Variants in LIX1 observed in about 807,000 individuals in gnomAD.
LIX1 encodes limb and CNS expressed 1.
In LIX1, 24 loss-of-function variants were observed where a neutral mutation model predicts 33.4. That is an observed-to-expected ratio of 0.72 (90% CI 0.52 to 1.01). The LOEUF (loss-of-function observed/expected upper bound fraction) is 1.01, where lower values mean the gene tolerates loss of function less well. Among genes scored for constraint, LIX1 ranks in the 50% least tolerant of loss-of-function variants. The pLI is 0.00. For synonymous variants in LIX1, 124 were observed against 124.0 expected, an observed-to-expected ratio of 1.00 and a Z score of 0.00; for missense variants, 311 against 339.2, an observed-to-expected ratio of 0.92 and a Z score of 0.65.
intron 2 of LIX1, among the ~76,000 whole-genome samples, chr5:97,122,427 C>G (rs1319007577): frequency 2.0e-5 from 3 of 152,220 alleles, no homozygotes; most frequent in African/African-American, 7.2e-5. Flanking sequence ...GGCACCCTTT[C>G]TTCTTGCCTA....
Position 97,141,252 on chromosome 5 carries a change from T to C in LIX1, c.82+1243A>G, listed in dbSNP as rs143025613. On this transcript the variant is annotated intron_variant, in intron 1 of 5. Transcript: ENST00000274382. ...CCTCACTAGTGAATCAGTTCTATTG[T>C]AGGAGAGAGACATTCTTTCCTCCCC... Among the ~76,000 whole-genome samples the C allele has an allele frequency of 1.4e-4, 22 of 152,288 alleles. No homozygotes were observed. In the East Asian group the frequency reaches 3.9e-3, roughly 27 times the overall value.
At chr5:97,123,541 A>G (rs1028753826) in intron 2 of LIX1, among the ~76,000 whole-genome samples, 1 of 152,202 alleles carries the variant, frequency 6.6e-6, no homozygotes, top group Non-Finnish European at 1.5e-5. Flanking sequence ...ATGGGCACTC[A>G]TCACTTTCAG....
chr5:97,092,461 T>A lies in LIX1; in HGVS notation c.*2287A>T, dbSNP rs192132285. On this transcript the variant is annotated 3_prime_UTR_variant, in exon 6 of 6. Transcript: ENST00000274382. ...TAGGCTATAGTTAAAGATGTTTATA[T>A]GATAGACTGACAGCCCTTATGTCTC... is the stretch of plus-strand genomic sequence containing the variant. 1.4e-3 allele frequency: 210 copies of A among 152,486 alleles called. 1 individual carries two copies. The highest frequency in any genetic ancestry group is 6.8e-3 in the Middle Eastern group (2 of 294). The allele number at this position is 152,486 out of a possible 1,614,324, so 9.4% of individuals were successfully genotyped here. A position where few individuals can be genotyped will look rare whatever the true frequency, so the allele number is the denominator to read the frequency against.
At chr5:97,111,024 G>A (rs1341873986) in intron 2 of LIX1, among the ~76,000 whole-genome samples, 1 of 152,150 alleles carries the variant, frequency 6.6e-6, no homozygotes, top group Non-Finnish European at 1.5e-5. Context: ...ACTGAAGCTT[G>A]AGTGCCATCT....
chr5:97,114,472 C>T (rs1247141162), intron 2 of LIX1, among the ~76,000 whole-genome samples: 1 of 152,148 alleles, frequency 6.6e-6, no homozygotes, highest in Non-Finnish European at 1.5e-5. Context: ...TCACCAGGAC[C>T]CTATAGGGTA....
intron 5 of LIX1, 100 bp downstream of exon 5, chr5:97,096,710 A>C (rs1746393737): frequency 1.2e-6 from 1 of 849,642 alleles, no homozygotes; most frequent in East Asian, 2.5e-5. Context: ...TACCAAATTT[A>C]TATTTGGAAA....
At chr5:97,137,079 A>C (rs1334282185) in intron 1 of LIX1, 1 of 441,760 alleles carries the variant, frequency 2.3e-6, no homozygotes, top group Admixed American at 2.4e-5. Context: ...TCATTTAAAC[A>C]GAAGATCATA....
chr5:97,121,326 C>T (rs1747780340), intron 2 of LIX1, among the ~76,000 whole-genome samples: 1 of 152,102 alleles, frequency 6.6e-6, no homozygotes, highest in Non-Finnish European at 1.5e-5. Context: ...ACAACCTATG[C>T]TTTTCTTTAA....
rs910046079 is a variant in LIX1 at position 97,104,658 on chromosome 5, G to T, written c.483+532C>A. On this transcript the variant is annotated intron_variant, in intron 4 of 5. Coordinates refer to ENST00000274382, the MANE Select transcript of LIX1 (RefSeq NM_153234.5). The stretch of plus-strand genomic sequence containing the variant: ...TATTTTAGAAATAATAGGTAATATA[G>T]TTCCTCAACTCTTGTTATCATTTGT... 4.6e-5 allele frequency among the ~76,000 whole-genome samples: 7 copies of T among 152,312 alleles called. No individual in the cohort carries two copies. The South Asian group carries it at 6.2e-4, about 14-fold the overall frequency.
At chr5:97,109,758 C>A (rs1350106147) in intron 2 of LIX1, among the ~76,000 whole-genome samples, 1 of 151,858 alleles carries the variant, frequency 6.6e-6, no homozygotes, top group Non-Finnish European at 1.5e-5. Flanking sequence ...ATCTTCTCCC[C>A]CAAGTGCCCA....
intron 2 of LIX1, among the ~76,000 whole-genome samples, chr5:97,113,527 A>G (rs1261233303): frequency 6.6e-6 from 1 of 152,218 alleles, no homozygotes; most frequent in East Asian, 1.9e-4. Context: ...CAACAATCCT[A>G]TAAAGTTGGT....
At chr5:97,119,438 A>C (rs1367050781) in intron 2 of LIX1, among the ~76,000 whole-genome samples, 1 of 152,240 alleles carries the variant, frequency 6.6e-6, no homozygotes, top group East Asian at 1.9e-4. Flanking sequence ...AAGTGTAAGC[A>C]CATTGCTTTA....
At chr5:97,096,723 T>C (rs1746394279) in intron 5 of LIX1, 87 bp downstream of exon 5, 1 of 940,780 alleles carries the variant, frequency 1.1e-6, no homozygotes, top group South Asian at 1.4e-5. Flanking sequence ...TTTGGAAAAA[T>C]CCGAATAAAG....
chr5:97,119,827 T>C (rs746285392), intron 2 of LIX1, among the ~76,000 whole-genome samples: 7 of 152,006 alleles, frequency 4.6e-5, no homozygotes, highest in Non-Finnish European at 8.8e-5. Context: ...TATGAGATGA[T>C]AGGAAAATTT....
At chr5:97,133,184 A>C (rs1187439804) in intron 1 of LIX1, among the ~76,000 whole-genome samples, 4 of 152,240 alleles carry the variant, frequency 2.6e-5, no homozygotes, top group African/African-American at 9.6e-5. Context: ...TAAAATATGC[A>C]CTGAATCTTG....
intron 1 of LIX1, 53 bp downstream of exon 1, chr5:97,142,442 G>A (rs1279660229): frequency 2.5e-5 from 31 of 1,243,018 alleles, no homozygotes; most frequent in East Asian, 9.3e-5. Flanking sequence ...GTGACTTGAC[G>A]TTTAGGACTA....
intron 1 of LIX1, among the ~76,000 whole-genome samples, chr5:97,141,367 G>T (rs770370898): frequency 3.9e-5 from 6 of 152,150 alleles, no homozygotes; most frequent in Non-Finnish European, 7.3e-5. Context: ...ATAGTTATTG[G>T]CAAATGCCTA....
chr5:97,120,398 T>A (rs972237200), intron 2 of LIX1, among the ~76,000 whole-genome samples: 4 of 152,214 alleles, frequency 2.6e-5, no homozygotes, highest in Non-Finnish European at 4.4e-5. Flanking sequence ...ACCCCATCCC[T>A]GGAACTTACA....
At chr5:97,123,529 C>G (rs532014548) in intron 2 of LIX1, among the ~76,000 whole-genome samples, 1 of 152,300 alleles carries the variant, frequency 6.6e-6, no homozygotes, top group Admixed American at 6.5e-5. Flanking sequence ...CAGCTTGTCT[C>G]CATGGGCACT....
Sources: gnomAD v4.1 joint callset for allele counts (sites outside exome capture counted in the v4.1 genomes callset) on GRCh38, gnomAD v4.1.1 for gene constraint, MANE v1.5 for transcripts, NCBI Gene and HGNC (gene_info 2026-07-23, HGNC 2026-07-21) for gene names.